Variants in API5 observed in about 807,000 individuals in gnomAD.
API5 encodes FIF.
Under a neutral mutation model 71.9 loss-of-function variants are expected in API5, and 6 were observed. That is an observed-to-expected ratio of 0.08 (90% confidence interval 0.05 to 0.16). The LOEUF is 0.16. Among genes scored for constraint, API5 ranks in the 10% least tolerant of loss-of-function variants. The pLI is 1.00. For missense variants in API5, 332 were observed against 612.8 expected (o/e 0.54, Z 4.84); for synonymous variants, 189 against 221.3 (o/e 0.85, Z 1.30).
intron 1 of API5, among the ~76,000 whole-genome samples, chr11:43,317,127 C>A (rs192568331): frequency 9.2e-5 from 14 of 152,260 alleles, no homozygotes; most frequent in Admixed American, 9.2e-4. Context: ...TTAGAACACT[C>A]CTTATACATA....
chr11:43,341,954 G>A (rs1167160887), intron 13 of API5, among the ~76,000 whole-genome samples: 1 of 151,734 alleles, frequency 6.6e-6, no homozygotes, highest in East Asian at 1.9e-4. Context: ...TTTGAGATCA[G>A]CCTGGCAACA....
intron 6 of API5, among the ~76,000 whole-genome samples, chr11:43,325,060 G>T (rs758245282): frequency 4.6e-5 from 7 of 151,242 alleles, no homozygotes; most frequent in Non-Finnish European, 8.8e-5. Flanking sequence ...TTGCAGTAAA[G>T]TATATAAGGG....
In API5 at chr11:43,343,246, A is replaced by G. The variant is rs1315748579; in HGVS notation, c.*736A>G. On this transcript the variant is annotated 3_prime_UTR_variant, in exon 14 of 14. Transcript: ENST00000531273. ...TATATGCATGCTGTGAAACTTGACT[A>G]CACAACATAAATCACTTTTTAAATT... The G allele has an allele frequency of 1.3e-5, 2 of 152,464 alleles. No individual in the cohort carries two copies. Among genetic ancestry groups the G allele is most frequent in the Non-Finnish European group, 2.9e-5 (2 of 68,000 alleles). The allele number at this position is 152,464 out of a possible 1,614,324, so 9.4% of individuals were successfully genotyped here. A position where few individuals can be genotyped will look rare whatever the true frequency, so the allele number is the denominator to read the frequency against.
chr11:43,337,144 C>T (rs113893393), intron 13 of API5, among the ~76,000 whole-genome samples: 13,611 of 151,330 alleles, frequency 0.09, 908 homozygotes, highest in Admixed American at 0.23. Flanking sequence ...GGGAACAAAG[C>T]GAGACCCCAT....
At chr11:43,329,747 A>G (rs912881403) in intron 9 of API5, among the ~76,000 whole-genome samples, 43 of 152,216 alleles carry the variant, frequency 2.8e-4, no homozygotes, top group Non-Finnish European at 5.9e-4. Flanking sequence ...TGCTTGAGCC[A>G]TGTGTTACCT....
chr11:43,325,823 G>A (rs1386923980), intron 6 of API5, among the ~76,000 whole-genome samples: 2 of 152,134 alleles, frequency 1.3e-5, no homozygotes, highest in African/African-American at 4.8e-5. Context: ...TAAGAGGAAG[G>A]GCTATGGCAG....
intron 11 of API5, 115 bp from the exon 12 acceptor site, chr11:43,335,163 T>A (rs1855389115): frequency 6.8e-6 from 5 of 740,442 alleles, no homozygotes. Flanking sequence ...TCTGTTGCAG[T>A]AAGCTCTGTC....
intron 2 of API5, among the ~76,000 whole-genome samples, chr11:43,320,188 G>A (rs943866818): frequency 6.6e-6 from 1 of 151,776 alleles, no homozygotes; most frequent in Non-Finnish European, 1.5e-5. Flanking sequence ...TGGGACTATA[G>A]GCGTGTGCCA....
In API5 at chr11:43,318,654, T is replaced by C. The variant is rs1388918231; in HGVS notation, c.84T>C (p.Tyr28=). 1.9e-6 allele frequency: 3 copies of C among 1,613,024 alleles called. No individual in the cohort carries two copies. The highest frequency in any genetic ancestry group is 1.7e-6 in the Non-Finnish European group (2 of 1,179,876). Residue 28 remains tyrosine (Y), a synonymous_variant, in exon 2 of 14, where the codon TAT becomes TAC. Coordinates refer to ENST00000531273, the MANE Select transcript of API5 (RefSeq NM_001142930.2). ...TEQVGQHKDA[Y]QVILDGVKGG... The stretch of plus-strand genomic sequence containing the variant: ...TTTTATTTCAGCATAAAGATGCCTA[T>C]CAAGTGATATTGGATGGTGTGAAAG...
At chr11:43,316,722 A>G (rs185070637) in intron 1 of API5, among the ~76,000 whole-genome samples, 1 of 152,292 alleles carries the variant, frequency 6.6e-6, no homozygotes, top group African/African-American at 2.4e-5. Flanking sequence ...GGGCGCGACC[A>G]TGGCTTACCA....
chr11:43,319,432 T>C (rs972846988), intron 2 of API5, among the ~76,000 whole-genome samples: 1 of 152,164 alleles, frequency 6.6e-6, no homozygotes, highest in African/African-American at 2.4e-5. Flanking sequence ...CCCTATACTT[T>C]TTTTGCTTTT....
intron 10 of API5, 37 bp downstream of exon 10, chr11:43,330,095 TC>T (rs763313614): frequency 6.6e-7 from 1 of 1,526,570 alleles, no homozygotes; most frequent in Admixed American, 1.7e-5. Flanking sequence ...AACTGCTAGT[TC>T]CATACCAAAC....
intron 1 of API5, among the ~76,000 whole-genome samples, chr11:43,314,823 A>G (rs1313902550): frequency 1.3e-5 from 2 of 152,232 alleles, no homozygotes; most frequent in Non-Finnish European, 2.9e-5. Context: ...AATGCCTAAA[A>G]TCACTTACTA....
intron 1 of API5, among the ~76,000 whole-genome samples, chr11:43,315,965 G>A (rs1351808131): frequency 2.6e-5 from 4 of 152,058 alleles, no homozygotes; most frequent in African/African-American, 4.8e-5. Flanking sequence ...AAATGTATCC[G>A]ACACCTGTTA....
At chr11:43,329,095 A>T in intron 9 of API5, 1 of 550,846 alleles carries the variant, frequency 1.8e-6, no homozygotes, top group Non-Finnish European at 3.2e-6. Context: ...TAATCCCAGC[A>T]CTTTGGGAGG....
chr11:43,320,835 A>G lies in API5; in HGVS notation c.246A>G (p.Ala82=), dbSNP rs202237645. The change falls in exon 3 of 14, where the codon GCA becomes GCG. Residue 82 remains alanine, a synonymous_variant. Transcript: ENST00000531273. The part of the protein sequence containing the change: ...EDEDVSIRRQ[A]IKELPQFATG... Reference sequence around the variant, plus strand: ...ATCATGCCCAGATTCGACGTCAAGCAATTAAAGAACTGCCTCAATTTGCCA... The same window carrying G: ...ATCATGCCCAGATTCGACGTCAAGCGATTAAAGAACTGCCTCAATTTGCCA... The G allele has an allele frequency of 5.7e-5, 92 of 1,611,948 alleles. No individual in the cohort carries two copies. The highest frequency in any genetic ancestry group is 7.6e-5 in the Non-Finnish European group (90 of 1,179,964).
In API5 at chr11:43,343,820, C is replaced by G. The variant is rs1198032612; in HGVS notation, c.*1310C>G. 1 of 152,618 alleles carries G rather than the reference C, an allele frequency of 6.6e-6. No homozygotes were observed. Among genetic ancestry groups the G allele is most frequent in the Non-Finnish European group, 1.5e-5 (1 of 68,036 alleles). The allele number at this position is 152,618 out of a possible 1,614,324, so 9.5% of individuals were successfully genotyped here. A position where few individuals can be genotyped will look rare whatever the true frequency, so the allele number is the denominator to read the frequency against. On this transcript the variant is annotated 3_prime_UTR_variant, in exon 14 of 14. Coordinates refer to ENST00000531273, the MANE Select transcript of API5 (RefSeq NM_001142930.2). ...AGTTAATCTTCCCTCCCCAAGTTTG[C>G]TATTCAAATCAACTGCCTGAATGAC...
chr11:43,317,740 C>T (rs892278692), intron 1 of API5, among the ~76,000 whole-genome samples: 1 of 152,170 alleles, frequency 6.6e-6, no homozygotes, highest in Non-Finnish European at 1.5e-5. Flanking sequence ...TGCAGTGGTG[C>T]GATCTCAGCT....
At chr11:43,314,111 A>T (rs1854589207) in intron 1 of API5, among the ~76,000 whole-genome samples, 1 of 152,144 alleles carries the variant, frequency 6.6e-6, no homozygotes, top group Admixed American at 6.6e-5. Context: ...AAAAAAAAAA[A>T]AAGATACAAA....
Sources: gnomAD v4.1 joint callset for allele counts (sites outside exome capture counted in the v4.1 genomes callset) on GRCh38, gnomAD v4.1.1 for gene constraint, MANE v1.5 for transcripts, NCBI Gene and HGNC (gene_info 2026-07-23, HGNC 2026-07-21) for gene names.